PABPC4L: variants seen among roughly 807,000 people sequenced by gnomAD.
PABPC4L encodes the protein poly(A) binding protein cytoplasmic 4 like.
For synonymous variants in PABPC4L, 169 were observed against 164.1 expected (o/e 1.03, Z -0.23); for missense variants, 452 against 451.4 (o/e 1.00, Z -0.01).
the PABPC4L span, among the ~76,000 whole-genome samples, chr4:134,046,527 C>A: frequency 2.0e-5 from 3 of 151,832 alleles, no homozygotes; most frequent in Non-Finnish European, 2.9e-5. Context: ...TGCAAAGAGG[C>A]CTTCCTCTTT....
At chr4:134,008,545 G>T in the PABPC4L span, among the ~76,000 whole-genome samples, 142 of 151,520 alleles carry the variant, frequency 9.4e-4, no homozygotes, top group African/African-American at 3.2e-3. Flanking sequence ...TTATAGAAAG[G>T]GGTGAAACTA....
chr4:133,994,230 G>T, the PABPC4L span, among the ~76,000 whole-genome samples: 1 of 152,200 alleles, frequency 6.6e-6, no homozygotes, highest in African/African-American at 2.4e-5. Flanking sequence ...TATATGGCTG[G>T]CTTTTGGTTG....
chr4:134,085,108 C>T, the PABPC4L span, among the ~76,000 whole-genome samples: 9 of 151,928 alleles, frequency 5.9e-5, no homozygotes, highest in Non-Finnish European at 8.8e-5. Context: ...ACATTATTCA[C>T]GAAGAATCAG....
the PABPC4L span, among the ~76,000 whole-genome samples, chr4:134,126,378 T>A: frequency 6.6e-6 from 1 of 152,146 alleles, no homozygotes; most frequent in Admixed American, 6.6e-5. Context: ...TCCTCACTTA[T>A]CAGAGTCCTT....
chr4:134,158,895 C>A, the PABPC4L span, among the ~76,000 whole-genome samples: 94 of 152,170 alleles, frequency 6.2e-4, no homozygotes, highest in Non-Finnish European at 4.4e-5. Flanking sequence ...TATGATATAG[C>A]CTATTGCTTT....
chr4:134,037,447 G>T, the PABPC4L span, among the ~76,000 whole-genome samples: 1 of 151,710 alleles, frequency 6.6e-6, no homozygotes, highest in African/African-American at 2.4e-5. Context: ...ACTATCTTTG[G>T]AAGTTTTAAT....
chr4:134,131,660 C>T, the PABPC4L span, among the ~76,000 whole-genome samples: 31 of 134,506 alleles, frequency 2.3e-4, no homozygotes, highest in Admixed American at 8.2e-4. Flanking sequence ...CATCAAAATA[C>T]CACCATCATT....
At chr4:133,959,241 G>T in the PABPC4L span, among the ~76,000 whole-genome samples, 4,435 of 152,256 alleles carry the variant, frequency 0.029, 227 homozygotes, top group African/African-American at 0.1. Flanking sequence ...TCTGAAGTTT[G>T]CAGAGTATAC....
downstream of PABPC4L, among the ~76,000 whole-genome samples, chr4:134,194,241 C>A (rs541231944): frequency 6.6e-6 from 1 of 151,666 alleles, no homozygotes; most frequent in Non-Finnish European, 1.5e-5. Context: ...AAAGACTGTG[C>A]TTGAAAATAG....
At chr4:134,113,074 G>A in the PABPC4L span, among the ~76,000 whole-genome samples, 1 of 151,776 alleles carries the variant, frequency 6.6e-6, no homozygotes, top group African/African-American at 2.4e-5. Flanking sequence ...TATAGAATAA[G>A]GATATAAAGA....
the PABPC4L span, among the ~76,000 whole-genome samples, chr4:133,993,525 TAA>T: frequency 6.6e-6 from 1 of 152,206 alleles, no homozygotes; most frequent in East Asian, 1.9e-4. Context: ...TGTACATATC[TAA>T]GTTTTCCAAA....
chr4:134,101,415 A>C, the PABPC4L span, among the ~76,000 whole-genome samples: 5 of 151,498 alleles, frequency 3.3e-5, no homozygotes, highest in African/African-American at 7.3e-5. Flanking sequence ...AAACTTGCCC[A>C]AAATTCTGCT....
chr4:134,144,554 T>A, the PABPC4L span, among the ~76,000 whole-genome samples: 5 of 149,334 alleles, frequency 3.3e-5, no homozygotes, highest in African/African-American at 4.9e-5. Flanking sequence ...TTAATGAGCT[T>A]TCTCTAAGCC....
chr4:134,058,170 G>A, the PABPC4L span, among the ~76,000 whole-genome samples: 1 of 151,872 alleles, frequency 6.6e-6, no homozygotes, highest in Non-Finnish European at 1.5e-5. Flanking sequence ...TGAAATGATT[G>A]AGACTACTTA....
the PABPC4L span, among the ~76,000 whole-genome samples, chr4:134,175,513 A>G: frequency 6.6e-6 from 1 of 152,058 alleles, no homozygotes; most frequent in Non-Finnish European, 1.5e-5. Context: ...CAGTGGCACA[A>G]TCTCGGCTCA....
the PABPC4L span, among the ~76,000 whole-genome samples, chr4:134,113,881 G>T: frequency 3.3e-5 from 5 of 151,760 alleles, no homozygotes; most frequent in Non-Finnish European, 7.4e-5. Context: ...CAAAAGTGTA[G>T]AGAGAAGAGG....
chr4:134,142,217 C>T, the PABPC4L span, among the ~76,000 whole-genome samples: 1 of 151,548 alleles, frequency 6.6e-6, no homozygotes, highest in African/African-American at 2.4e-5. Context: ...TTAAAAAACA[C>T]TGTAATTTTT....
the PABPC4L span, among the ~76,000 whole-genome samples, chr4:134,020,079 C>A: frequency 6.6e-6 from 1 of 152,100 alleles, no homozygotes; most frequent in Non-Finnish European, 1.5e-5. Flanking sequence ...GGTATTACAA[C>A]AACTACTGTT....
the PABPC4L span, among the ~76,000 whole-genome samples, chr4:134,057,776 C>T: frequency 6.6e-6 from 1 of 152,074 alleles, no homozygotes; most frequent in Non-Finnish European, 1.5e-5. Context: ...AACACCATGT[C>T]ATTTCTTGTA....
Sources: allele counts gnomAD v4.1 joint callset (sites outside exome capture counted in the v4.1 genomes callset), GRCh38; gene constraint gnomAD v4.1.1; transcripts MANE v1.5; gene names NCBI Gene and HGNC (gene_info 2026-07-23, HGNC 2026-07-21).